The following BPIFC variants were observed in gnomAD, a reference collection of about 807,000 sequenced individuals.
The protein encoded by BPIFC is BPI fold containing family C.
BPIFC carries 60 observed loss-of-function variants against 57.6 expected under a neutral mutation model. The ratio of observed to expected loss-of-function variants is 1.04; its 90% CI spans 0.85 to 1.29. The LOEUF (loss-of-function observed/expected upper bound fraction) is 1.29, where lower values mean the gene tolerates loss of function less well. Among genes scored for constraint, BPIFC ranks in the 50% most tolerant of loss-of-function variants. The pLI, the probability that BPIFC is intolerant of heterozygous loss-of-function variation, is 0.00. For missense variants in BPIFC, 581 were observed against 600.5 expected, an observed-to-expected ratio of 0.97 and a Z score of 0.34; for synonymous variants, 243 against 224.5, an observed-to-expected ratio of 1.08 and a Z score of -0.74.
At chr22:32,434,199 TTATG>T (rs1194724317) in intron 10 of BPIFC, among the ~76,000 whole-genome samples, 64 of 148,880 alleles carry the variant, frequency 4.3e-4, no homozygotes, top group African/African-American at 1.5e-3. Flanking sequence ...TATTCTTTAT[TTATG>T]TATATTACAA....
chr22:32,459,123 C>T (rs1361738960), intron 2 of BPIFC, among the ~76,000 whole-genome samples: 5 of 152,216 alleles, frequency 3.3e-5, no homozygotes, highest in Non-Finnish European at 7.3e-5. Flanking sequence ...GCTATCACTG[C>T]TGCACTTACA....
At chr22:32,435,451 A>T (rs1934361549) in intron 10 of BPIFC, among the ~76,000 whole-genome samples, 1 of 152,180 alleles carries the variant, frequency 6.6e-6, no homozygotes, top group Non-Finnish European at 1.5e-5. Context: ...GTAAGTATAT[A>T]TAATGCAAAT....
At position 32,461,190 on chromosome 22, in the gene BPIFC, T is replaced by G. The variant is rs1935153015; in HGVS notation, c.-1+384A>C. Among the ~76,000 whole-genome samples, 2 of 152,194 alleles carry G rather than the reference T, an allele frequency of 1.3e-5. 1 individual carries two copies. The highest frequency in any genetic ancestry group is 4.1e-4 in the South Asian group (2 of 4,832). The stretch of plus-strand genomic sequence containing the variant: ...CACTCAGAGTATTGGCTCCTTACCC[T>G]TAGCTATTAAGGCATTTTGGTATTT... On this transcript the variant is annotated intron_variant, in intron 2 of 16. Coordinates refer to ENST00000300399, the MANE Select transcript of BPIFC (RefSeq NM_174932.3).
At chr22:32,414,975 G>A (rs1933627655) in intron 16 of BPIFC, among the ~76,000 whole-genome samples, 1 of 152,246 alleles carries the variant, frequency 6.6e-6, no homozygotes, top group Non-Finnish European at 1.5e-5. Context: ...ATGCACGGTA[G>A]TGTAGGGCAG....
Position 32,415,999 on chromosome 22 carries a change from A to G in BPIFC, c.1325-8T>C, listed in dbSNP as rs1933662410. 9 of 1,564,122 alleles carry G rather than the reference A, an allele frequency of 5.8e-6. No individual in the cohort carries two copies. Among genetic ancestry groups the G allele is most frequent in the Non-Finnish European group, 7.8e-6 (9 of 1,149,318 alleles). ...ATCCTTGCTGCAATTTTGCTAAAAT[A>G]TAGAACAAGACGTAAAACAATTGGG... On this transcript the variant is annotated splice_polypyrimidine_tract_variant and splice_region_variant and intron_variant, in intron 15 of 16. Transcript: ENST00000300399.
At chr22:32,453,966 C>T (rs1055308093) in intron 3 of BPIFC, among the ~76,000 whole-genome samples, 170 of 152,086 alleles carry the variant, frequency 1.1e-3, no homozygotes, top group African/African-American at 4.0e-3. Flanking sequence ...AAAAAATTAG[C>T]TGGGCATAAT....
At chr22:32,430,742 G>A (rs942874427) in intron 13 of BPIFC, among the ~76,000 whole-genome samples, 3 of 151,924 alleles carry the variant, frequency 2.0e-5, no homozygotes, top group African/African-American at 7.2e-5. Context: ...CTGGGCTCAA[G>A]CAATTCTTCC....
chr22:32,458,333 C>T (rs1406446526), intron 2 of BPIFC, among the ~76,000 whole-genome samples: 1 of 152,198 alleles, frequency 6.6e-6, no homozygotes, highest in African/African-American at 2.4e-5. Flanking sequence ...TAGTCTTCCT[C>T]AAAGAACCCG....
chr22:32,435,391 T>C (rs1934359595), intron 10 of BPIFC, among the ~76,000 whole-genome samples: 1 of 152,144 alleles, frequency 6.6e-6, no homozygotes, highest in Non-Finnish European at 1.5e-5. Flanking sequence ...ACGGAAATGC[T>C]TATTGGAGCA....
intron 5 of BPIFC, 29 bp from the exon 6 acceptor site, chr22:32,446,025 G>T (rs373233459): frequency 3.7e-4 from 599 of 1,610,252 alleles, no homozygotes; most frequent in Non-Finnish European, 4.6e-4. Flanking sequence ...GGTTATCCAA[G>T]CCTGAGTCAG....
rs992184116 is a variant in BPIFC, at chr22:32,420,084, G to A, written c.1218-680C>T. ...TGTAATCCCAGCACTTTGGGAGGCC[G>A]AGGCGGGCGGATCATGAGGTCAGGA... On this transcript the variant is annotated intron_variant, in intron 13 of 16. Coordinates refer to ENST00000300399, the MANE Select transcript of BPIFC (RefSeq NM_174932.3). Among the ~76,000 whole-genome samples, 4 of 152,072 alleles carry A rather than the reference G, an allele frequency of 2.6e-5. No individual in the cohort carries two copies. In the South Asian group the frequency reaches 6.2e-4, roughly 24 times the overall value.
chr22:32,446,419 C>T (rs1934731780), intron 5 of BPIFC, among the ~76,000 whole-genome samples: 1 of 152,184 alleles, frequency 6.6e-6, no homozygotes. Context: ...GTGTGTTACT[C>T]ATTTCCATGT....
intron 13 of BPIFC, among the ~76,000 whole-genome samples, chr22:32,426,046 C>T (rs991679539): frequency 6.6e-6 from 1 of 152,174 alleles, no homozygotes; most frequent in Non-Finnish European, 1.5e-5. Flanking sequence ...GCCTGTGATC[C>T]TACAGTCTGT....
At chr22:32,419,983 C>T (rs1396255028) in intron 13 of BPIFC, among the ~76,000 whole-genome samples, 2 of 151,886 alleles carry the variant, frequency 1.3e-5, no homozygotes, top group Non-Finnish European at 2.9e-5. Context: ...GTTTGCTACA[C>T]GGAACTTAAT....
At chr22:32,422,601 G>A (rs184570003) in intron 13 of BPIFC, among the ~76,000 whole-genome samples, 1 of 151,996 alleles carries the variant, frequency 6.6e-6, no homozygotes, top group African/African-American at 2.4e-5. Flanking sequence ...CCAGCTACTC[G>A]GGAGGCAGAG....
At chr22:32,417,973 C>T (rs1489069714) in intron 14 of BPIFC, among the ~76,000 whole-genome samples, 2 of 151,980 alleles carry the variant, frequency 1.3e-5, no homozygotes, top group Admixed American at 6.6e-5. Context: ...TGGGAATTCA[C>T]TTTTGCAGTT....
chr22:32,428,600 C>G (rs1372265659), intron 13 of BPIFC, among the ~76,000 whole-genome samples: 1 of 151,508 alleles, frequency 6.6e-6, no homozygotes, highest in Non-Finnish European at 1.5e-5. Context: ...AACAAACAAA[C>G]AAACAAAACA....
At chr22:32,457,238 T>C (rs1252686011) in intron 3 of BPIFC, 25 bp downstream of exon 3, 2 of 1,584,422 alleles carry the variant, frequency 1.3e-6, no homozygotes, top group African/African-American at 2.7e-5. Flanking sequence ...GCCTGAGGTC[T>C]GGCTTCTGAA....
intron 4 of BPIFC, among the ~76,000 whole-genome samples, chr22:32,448,290 G>C (rs1395172591): frequency 6.6e-6 from 1 of 151,924 alleles, no homozygotes; most frequent in Non-Finnish European, 1.5e-5. Flanking sequence ...GGATGGTCTT[G>C]ATCTCCTGAC....
Sources: allele counts gnomAD v4.1 joint callset (sites outside exome capture counted in the v4.1 genomes callset), GRCh38; gene constraint gnomAD v4.1.1; transcripts MANE v1.5; gene names NCBI Gene and HGNC (gene_info 2026-07-23, HGNC 2026-07-21).